Variants in CDK14 observed in about 807,000 individuals in gnomAD.
The protein encoded by CDK14 is cyclin-dependent kinase 14.
CDK14 carries 34 observed loss-of-function variants against 60.7 expected under a neutral mutation model. That is an observed-to-expected ratio of 0.56 (90% CI 0.43 to 0.75). The LOEUF (loss-of-function observed/expected upper bound fraction) is 0.75. Ranked by LOEUF, CDK14 falls within the 30% of genes least tolerant of loss-of-function variation. The probability of loss-of-function intolerance (pLI) is 0.00; values close to 1 mark genes in which losing one functional copy is unlikely to be tolerated. For missense variants in CDK14, 482 were observed against 564.1 expected, an observed-to-expected ratio of 0.85 and a Z score of 1.47; for synonymous variants, 197 against 203.7, an observed-to-expected ratio of 0.97 and a Z score of 0.28.
At chr7:90,642,162 A>G (rs940937233) in intron 2 of CDK14, among the ~76,000 whole-genome samples, 3 of 152,252 alleles carry the variant, frequency 2.0e-5, no homozygotes, top group Non-Finnish European at 4.4e-5. Flanking sequence ...TGAATTGTAT[A>G]GTATGTAATT....
intron 10 of CDK14, 135 bp from the exon 11 acceptor site, chr7:91,045,762 A>C (rs1797213723): frequency 3.4e-6 from 2 of 585,426 alleles, no homozygotes; most frequent in Non-Finnish European, 6.1e-6. Flanking sequence ...ACTGAAATAA[A>C]ATCTCTGGCA....
At chr7:91,168,025 A>G (rs1055592496) in intron 14 of CDK14, among the ~76,000 whole-genome samples, 25 of 152,178 alleles carry the variant, frequency 1.6e-4, no homozygotes, top group African/African-American at 5.8e-4. Context: ...GCACTTTGGG[A>G]GGCCAAGGTG....
At chr7:90,897,765 A>G (rs1449841678) in intron 6 of CDK14, among the ~76,000 whole-genome samples, 1 of 152,052 alleles carries the variant, frequency 6.6e-6, no homozygotes, top group Non-Finnish European at 1.5e-5. Flanking sequence ...CATTGAACCT[A>G]TTTTAATCAT....
At chr7:90,771,409 G>T (rs905778514) in intron 4 of CDK14, among the ~76,000 whole-genome samples, 1 of 152,146 alleles carries the variant, frequency 6.6e-6, no homozygotes, top group African/African-American at 2.4e-5. Context: ...CTCACAGTTT[G>T]GTGAGTTCTG....
intron 14 of CDK14, among the ~76,000 whole-genome samples, chr7:91,193,759 A>T (rs1185723194): frequency 6.6e-6 from 1 of 152,076 alleles, no homozygotes; most frequent in Non-Finnish European, 1.5e-5. Flanking sequence ...ATACAGTACT[A>T]TATAAATAGT....
At chr7:91,100,225 C>T (rs1261980909) in intron 12 of CDK14, among the ~76,000 whole-genome samples, 2 of 152,136 alleles carry the variant, frequency 1.3e-5, no homozygotes, top group East Asian at 3.9e-4. Flanking sequence ...TTTAATTATG[C>T]TATTTATGCA....
chr7:91,032,785 A>C (rs1796800750), intron 10 of CDK14, among the ~76,000 whole-genome samples: 1 of 152,244 alleles, frequency 6.6e-6, no homozygotes, highest in African/African-American at 2.4e-5. Context: ...GTTTTAAGCC[A>C]CCAAGTTTGT....
intron 5 of CDK14, among the ~76,000 whole-genome samples, chr7:90,835,025 G>A (rs1185142730): frequency 6.6e-6 from 1 of 152,140 alleles, no homozygotes; most frequent in Non-Finnish European, 1.5e-5. Flanking sequence ...CACAGCCCAG[G>A]GTTTAGATGT....
At chr7:90,860,442 A>G (rs962183591) in intron 5 of CDK14, among the ~76,000 whole-genome samples, 3 of 152,140 alleles carry the variant, frequency 2.0e-5, no homozygotes, top group African/African-American at 7.2e-5. Context: ...TATTATTTAT[A>G]AACATAAATC....
At chr7:90,986,117 C>G (rs1795366481) in intron 10 of CDK14, among the ~76,000 whole-genome samples, 1 of 151,932 alleles carries the variant, frequency 6.6e-6, no homozygotes, top group Non-Finnish European at 1.5e-5. Flanking sequence ...GCTATTTCCA[C>G]TAAACAATTT....
chr7:90,844,697 G>T (rs973693241), intron 5 of CDK14, among the ~76,000 whole-genome samples: 1 of 152,130 alleles, frequency 6.6e-6, no homozygotes, highest in Non-Finnish European at 1.5e-5. Context: ...ACAAATGAAG[G>T]ATAAGAAAAT....
chr7:90,784,842 A>G (rs1166281534), intron 4 of CDK14, among the ~76,000 whole-genome samples: 1 of 152,202 alleles, frequency 6.6e-6, no homozygotes, highest in East Asian at 1.9e-4. Flanking sequence ...TAATTTTTGA[A>G]ATATGTATGT....
At chr7:91,023,462 T>A (rs1213866497) in intron 10 of CDK14, among the ~76,000 whole-genome samples, 1 of 152,202 alleles carries the variant, frequency 6.6e-6, no homozygotes, top group East Asian at 1.9e-4. Flanking sequence ...GATTATAAGT[T>A]GATATAATGA....
intron 1 of CDK14, among the ~76,000 whole-genome samples, chr7:90,598,268 A>G (rs1799237785): frequency 6.6e-6 from 1 of 152,238 alleles, no homozygotes; most frequent in Admixed American, 6.5e-5. Flanking sequence ...AGTTCCTTAT[A>G]TTTAAATAAT....
intron 2 of CDK14, among the ~76,000 whole-genome samples, chr7:90,701,375 A>G (rs1425993438): frequency 6.6e-6 from 1 of 152,228 alleles, no homozygotes. Flanking sequence ...ATAACTGATT[A>G]GTAGCTAATG....
chr7:91,044,472 G>C (rs756563925), intron 10 of CDK14, among the ~76,000 whole-genome samples: 3 of 152,132 alleles, frequency 2.0e-5, no homozygotes, highest in Non-Finnish European at 4.4e-5. Context: ...TACAAAGTCT[G>C]TCCTATCAGT....
chr7:90,946,816 C>T (rs1480311007), intron 8 of CDK14, among the ~76,000 whole-genome samples: 1 of 152,128 alleles, frequency 6.6e-6, no homozygotes, highest in Non-Finnish European at 1.5e-5. Context: ...AAAAACTGTC[C>T]TTAGGATCCT....
chr7:90,649,248 C>G (rs371765681), intron 2 of CDK14, among the ~76,000 whole-genome samples: 94 of 25,100 alleles, frequency 3.7e-3, no homozygotes, highest in African/African-American at 0.011. Context: ...TTCTTTCTTT[C>G]TTTCTTTCTT....
intron 9 of CDK14, among the ~76,000 whole-genome samples, chr7:90,962,173 A>C (rs562240175): frequency 1.6e-4 from 23 of 148,054 alleles, no homozygotes; most frequent in African/African-American, 5.2e-4. Flanking sequence ...GAAAGGAAGC[A>C]CCTCTATTTT....
Sources: gnomAD v4.1 joint callset for allele counts (sites outside exome capture counted in the v4.1 genomes callset) on GRCh38, gnomAD v4.1.1 for gene constraint, MANE v1.5 for transcripts, NCBI Gene and HGNC (gene_info 2026-07-23, HGNC 2026-07-21) for gene names.